The following AP2A1 variants were observed in gnomAD, a reference collection of about 807,000 sequenced individuals.
The protein encoded by AP2A1 is adaptor related protein complex 2 subunit alpha 1.
In AP2A1, 21 loss-of-function variants were observed where a neutral mutation model predicts 107.3. The observed-to-expected ratio is 0.20, with a 90% confidence interval of 0.14 to 0.28. The LOEUF (loss-of-function observed/expected upper bound fraction) is 0.28, where lower values mean the gene tolerates loss of function less well. Ranked by LOEUF, AP2A1 falls within the 10% of genes least tolerant of loss-of-function variation. The pLI, the probability that AP2A1 is intolerant of heterozygous loss-of-function variation, is 1.00. For synonymous variants in AP2A1, 602 were observed against 564.8 expected (o/e 1.07, Z -0.93); for missense variants, 873 against 1,307.7 (o/e 0.67, Z 5.13).
intron 1 of AP2A1, among the ~76,000 whole-genome samples, chr19:49,768,323 G>A (rs887025462): frequency 2.6e-5 from 4 of 152,240 alleles, no homozygotes; most frequent in Middle Eastern, 3.4e-3. Context: ...GGCTGCATCC[G>A]CATGGGCTCT....
Position 49,792,878 on chromosome 19 carries a change from A to G in AP2A1, c.604-113A>G, listed in dbSNP as rs2302517. 2.4e-4 allele frequency: 226 copies of G among 938,950 alleles called. No homozygotes were observed. In the East Asian group the frequency reaches 5.8e-3, roughly 24 times the overall value. The allele number at this position is 938,950 out of a possible 1,614,324, so 58.2% of individuals were successfully genotyped here. A position where few individuals can be genotyped will look rare whatever the true frequency, so the allele number is the denominator to read the frequency against. The stretch of plus-strand genomic sequence containing the variant: ...CACAGTGACACATGTGCACACCCCT[A>G]AACCCCATCTTCCCGACTGCACACA... On this transcript the variant is annotated intron_variant, in intron 5 of 22. Coordinates refer to ENST00000354293, the MANE Select transcript of AP2A1 (RefSeq NM_130787.3).
At chr19:49,802,877 C>T in intron 15 of AP2A1, 72 bp from the exon 16 acceptor site, 2 of 1,515,366 alleles carry the variant, frequency 1.3e-6, no homozygotes, top group Admixed American at 1.9e-5. Flanking sequence ...CTTGTTCTCG[C>T]ACTCAATCGC....
intron 22 of AP2A1, 45 bp downstream of exon 22, chr19:49,806,298 T>C: frequency 6.5e-7 from 1 of 1,546,388 alleles, no homozygotes; most frequent in Non-Finnish European, 8.7e-7. Flanking sequence ...GAAGGCCGCC[T>C]GTCATCTCTG....
chr19:49,799,892 T>C (rs2073256063), intron 10 of AP2A1, 76 bp from the exon 11 acceptor site: 1 of 1,577,182 alleles, frequency 6.3e-7, no homozygotes, highest in Non-Finnish European at 8.6e-7. Flanking sequence ...ATGGGGGCAG[T>C]GGTGAGCCCA....
intron 4 of AP2A1, 148 bp from the exon 5 acceptor site, chr19:49,791,787 G>C (rs979469729): frequency 1.3e-4 from 128 of 1,004,360 alleles, no homozygotes; most frequent in Non-Finnish European, 1.7e-4. Flanking sequence ...CGTGAGGTCA[G>C]CGCCAGACTG....
intron 4 of AP2A1, among the ~76,000 whole-genome samples, chr19:49,786,421 G>A (rs867565978): frequency 1.3e-5 from 2 of 152,246 alleles, no homozygotes; most frequent in African/African-American, 2.4e-5. Context: ...GTGTCTCTCA[G>A]TTTGGACTCG....
At chr19:49,787,066 G>C (rs2084745864) in intron 4 of AP2A1, among the ~76,000 whole-genome samples, 1 of 152,228 alleles carries the variant, frequency 6.6e-6, no homozygotes, top group East Asian at 1.9e-4. Context: ...GAGTGCAGTG[G>C]CACAGTCTTG....
At chr19:49,801,137 A>G in intron 12 of AP2A1, 79 bp downstream of exon 12, 2 of 1,345,552 alleles carry the variant, frequency 1.5e-6, no homozygotes, top group East Asian at 2.5e-5. Flanking sequence ...CAGGGGTCTC[A>G]GGGCAGGCAG....
rs1349934864 is a variant in AP2A1 at position 49,767,103 on chromosome 19, G to C, written c.-31G>C. 6.2e-7 allele frequency: 1 copy of C among 1,608,288 alleles called. No homozygotes were observed. ...GCCCCCGCTGCTCTGTGCCCTGTCC[G>C]GCCAGGCCTGGAGCCGACACCACCG... On this transcript the variant is annotated 5_prime_UTR_variant, in exon 1 of 23. Transcript: ENST00000354293.
At chr19:49,770,883 A>G (rs1032058223) in intron 1 of AP2A1, among the ~76,000 whole-genome samples, 3 of 151,824 alleles carry the variant, frequency 2.0e-5, no homozygotes, top group African/African-American at 7.3e-5. Context: ...ATGGAGTCTC[A>G]CTCTGTCGCC....
intron 15 of AP2A1, 162 bp downstream of exon 15, chr19:49,802,303 G>C (rs2073296293): frequency 3.6e-6 from 3 of 822,060 alleles, no homozygotes; most frequent in African/African-American, 3.5e-5. Context: ...CCCTGCCCCA[G>C]CCTCCCTGCT....
intron 4 of AP2A1, among the ~76,000 whole-genome samples, chr19:49,783,973 C>T (rs1026292159): frequency 1.3e-5 from 2 of 152,160 alleles, no homozygotes; most frequent in African/African-American, 4.8e-5. Context: ...TGGAGGTTCC[C>T]TAGTGCTTCA....
chr19:49,776,170 C>T (rs1248678261), intron 1 of AP2A1, among the ~76,000 whole-genome samples: 2 of 152,084 alleles, frequency 1.3e-5, no homozygotes, highest in Non-Finnish European at 2.9e-5. Flanking sequence ...GTGGTCTGGC[C>T]CCACCTGCTG....
chr19:49,796,739 C>T (rs1395573627), intron 7 of AP2A1: 1 of 152,482 alleles, frequency 6.6e-6, no homozygotes, highest in South Asian at 2.1e-4. Context: ...CATGGTATCT[C>T]TGTGTCCCTC....
In AP2A1 at chr19:49,805,564, C is replaced by T; in HGVS notation, c.2456C>T (p.Ser819Phe). ...LRDFLTPPLLSVRFRYGGAPQ... is the reference protein window; with the variant it reads ...LRDFLTPPLLFVRFRYGGAPQ... The stretch of plus-strand genomic sequence containing the variant: ...GACTTCCTGACGCCCCCGCTGCTGT[C>T]CGTGCGCTTCCGGTGAGTCAGGTAC... The change falls in exon 19 of 23, where the codon TCC becomes TTC. Residue 819 changes from serine to phenylalanine, a missense_variant. By Grantham distance (155) the Ser-to-Phe change is radical (BLOSUM62 -2). Around this residue, in one of 4 missense-constraint regions of AP2A1, gnomAD observed 416 missense variants for 473.4 expected, o/e 0.88. Transcript: ENST00000354293. 4 of 1,576,644 alleles carry T rather than the reference C, an allele frequency of 2.5e-6. No homozygotes were observed. The highest frequency in any genetic ancestry group is 3.4e-6 in the Non-Finnish European group (4 of 1,161,062).
chr19:49,784,509 T>C (rs2084715102), intron 4 of AP2A1, among the ~76,000 whole-genome samples: 1 of 152,160 alleles, frequency 6.6e-6, no homozygotes, highest in East Asian at 1.9e-4. Flanking sequence ...GTATATTTCA[T>C]ATGTTTCAAT....
At position 49,780,382 on chromosome 19, in the gene AP2A1, G is replaced by T. The variant is rs201616635; in HGVS notation, c.68-1375G>T. ...ACCCAAATGATGGGAAGATGACAGG[G>T]GAGGGGTGGCCCCAGGAAGAGGGCA... On this transcript the variant is annotated intron_variant, in intron 1 of 22. Transcript: ENST00000354293. Among the ~76,000 whole-genome samples, 19 of 152,340 alleles carry T rather than the reference G, an allele frequency of 1.2e-4. No individual in the cohort carries two copies. The South Asian group carries it at 3.9e-3, about 32-fold the overall frequency.
Position 49,801,474 on chromosome 19 carries a change from C to G in AP2A1, c.1638C>G (p.Ile546Met). Residue 546 changes from isoleucine (I) to methionine (M), a missense_variant, in exon 13 of 23, where the codon ATC becomes ATG. Coordinates refer to ENST00000354293, the MANE Select transcript of AP2A1 (RefSeq NM_130787.3). ...ATRALLLSTYIKFINLFPETK... is the reference protein window; with the variant it reads ...ATRALLLSTYMKFINLFPETK... Reference sequence around the variant, plus strand: ...GGGCGCTGCTGCTGTCCACCTACATCAAGTTCATCAACCTCTTCCCCGAGA... The same window carrying G: ...GGGCGCTGCTGCTGTCCACCTACATGAAGTTCATCAACCTCTTCCCCGAGA... 1 of 1,613,844 alleles carries G rather than the reference C, an allele frequency of 6.2e-7. No individual in the cohort carries two copies. The highest frequency in any genetic ancestry group is 1.3e-5 in the African/African-American group (1 of 75,004).
intron 22 of AP2A1, 162 bp from the exon 23 acceptor site, chr19:49,806,518 TC>T: frequency 6.9e-7 from 1 of 1,450,248 alleles, no homozygotes; most frequent in African/African-American, 1.4e-5. Flanking sequence ...ATAATTTTCT[TC>T]CTCTCTGGCG....
Sources: gnomAD v4.1 joint callset for allele counts (sites outside exome capture counted in the v4.1 genomes callset) on GRCh38, gnomAD v4.1.1 for gene constraint, gnomAD v4.1.1 regional missense constraint, MANE v1.5 for transcripts, NCBI Gene and HGNC (gene_info 2026-07-23, HGNC 2026-07-21) for gene names.